IGFL2: variants seen among roughly 807,000 people sequenced by gnomAD.
IGFL2 encodes insulin growth factor-like family member 2.
In IGFL2, 7 loss-of-function variants were observed where a neutral mutation model predicts 13.9. That is an observed-to-expected ratio of 0.51 (90% CI 0.29 to 0.95). IGFL2 has a LOEUF of 0.95. IGFL2 is among the 40% of genes least tolerant of loss of function. The probability of loss-of-function intolerance (pLI) is 0.08; values close to 1 mark genes in which losing one functional copy is unlikely to be tolerated. For missense variants in IGFL2, 138 were observed against 147.8 expected, an observed-to-expected ratio of 0.93 and a Z score of 0.34; for synonymous variants, 55 against 55.8, an observed-to-expected ratio of 0.99 and a Z score of 0.07.
At chr19:46,129,467 C>A in the IGFL2 span, among the ~76,000 whole-genome samples, 1 of 151,582 alleles carries the variant, frequency 6.6e-6, no homozygotes, top group Non-Finnish European at 1.5e-5. Context: ...GGTTGTGAAG[C>A]TGAGTTCTGA....
the IGFL2 span, among the ~76,000 whole-genome samples, chr19:46,105,060 A>G: frequency 5.3e-5 from 8 of 152,282 alleles, no homozygotes; most frequent in East Asian, 7.7e-4. Flanking sequence ...GCGTTGCCCT[A>G]AGCAATGGGA....
upstream of IGFL2, among the ~76,000 whole-genome samples, chr19:46,145,064 A>G (rs537039428): frequency 1.3e-4 from 20 of 152,168 alleles, 1 homozygote; most frequent in South Asian, 4.1e-3. Flanking sequence ...CTTTTTTGCT[A>G]TTACAAGTAA....
the IGFL2 span, among the ~76,000 whole-genome samples, chr19:46,183,597 G>A: frequency 6.6e-6 from 1 of 151,240 alleles, no homozygotes; most frequent in East Asian, 1.9e-4. Flanking sequence ...GTACAATGGG[G>A]TGATCTCTGC....
chr19:46,112,443 T>C, the IGFL2 span, among the ~76,000 whole-genome samples: 1 of 152,182 alleles, frequency 6.6e-6, no homozygotes, highest in Non-Finnish European at 1.5e-5. Context: ...GGTCCCTCCT[T>C]CCTAAGAAAA....
the IGFL2 span, among the ~76,000 whole-genome samples, chr19:46,090,399 C>G: frequency 2.4e-4 from 37 of 152,298 alleles, no homozygotes; most frequent in African/African-American, 8.9e-4. Context: ...TGTCTCCCCG[C>G]TAATGTCATA....
At chr19:46,178,519 C>T in the IGFL2 span, among the ~76,000 whole-genome samples, 1 of 152,098 alleles carries the variant, frequency 6.6e-6, no homozygotes, top group Non-Finnish European at 1.5e-5. Flanking sequence ...AGGTCTTTCC[C>T]AGATCTAGGA....
chr19:46,166,058 C>T (rs1434259607), downstream of IGFL2, among the ~76,000 whole-genome samples: 3 of 152,168 alleles, frequency 2.0e-5, no homozygotes, highest in Non-Finnish European at 4.4e-5. Context: ...ACTAGCTATC[C>T]CACATTCATC....
chr19:46,129,836 A>G, the IGFL2 span, among the ~76,000 whole-genome samples: 8 of 152,008 alleles, frequency 5.3e-5, no homozygotes, highest in South Asian at 2.1e-4. Context: ...TGTATATTCT[A>G]TTGCTTTTGT....
At chr19:46,160,278 T>C in intron 1 of IGFL2, 137 bp from the exon 2 acceptor site, 1 of 721,876 alleles carries the variant, frequency 1.4e-6, no homozygotes, top group African/African-American at 1.7e-5. Context: ...TTAGATCCTA[T>C]GCAAAGATAG....
intron 1 of IGFL2, among the ~76,000 whole-genome samples, chr19:46,151,416 GGTTT>G (rs1167303637): frequency 6.6e-6 from 1 of 151,974 alleles, no homozygotes; most frequent in Non-Finnish European, 1.5e-5. Flanking sequence ...CAAATCTAAG[GGTTT>G]ATTTTCTGAC....
At chr19:46,194,088 G>A in the IGFL2 span, among the ~76,000 whole-genome samples, 5 of 152,072 alleles carry the variant, frequency 3.3e-5, no homozygotes, top group Admixed American at 3.3e-4. Context: ...GGGGAGCTGG[G>A]CTCTACGGGA....
At chr19:46,181,818 T>C in the IGFL2 span, among the ~76,000 whole-genome samples, 9 of 152,320 alleles carry the variant, frequency 5.9e-5, no homozygotes, top group African/African-American at 1.9e-4. Flanking sequence ...TACTGGTTGT[T>C]CTCAGTATAT....
the IGFL2 span, among the ~76,000 whole-genome samples, chr19:46,109,280 C>A: frequency 4.5e-3 from 679 of 151,938 alleles, 8 homozygotes; most frequent in African/African-American, 0.016. Context: ...GTGGATCTTA[C>A]CAAGTACATT....
the IGFL2 span, among the ~76,000 whole-genome samples, chr19:46,092,413 T>C: frequency 6.6e-6 from 1 of 151,780 alleles, no homozygotes; most frequent in Non-Finnish European, 1.5e-5. Context: ...GGTGGATCAC[T>C]TGAGGTTGGG....
chr19:46,113,526 G>T, the IGFL2 span: 1 of 342,408 alleles, frequency 2.9e-6, no homozygotes, highest in South Asian at 2.6e-5. Flanking sequence ...TTTAACCTCA[G>T]TTGTCACAGG....
chr19:46,154,458 G>C (rs1200231364), intron 1 of IGFL2, among the ~76,000 whole-genome samples: 3 of 151,904 alleles, frequency 2.0e-5, no homozygotes, highest in Admixed American at 1.3e-4. Flanking sequence ...GTTTTGTTTT[G>C]TTTTTGACGG....
chr19:46,198,214 A>G, the IGFL2 span: 1 of 151,152 alleles, frequency 6.6e-6, no homozygotes. Flanking sequence ...AGCTCAAGCA[A>G]TCCTCCTGCC....
the IGFL2 span, among the ~76,000 whole-genome samples, chr19:46,175,330 A>G: frequency 1.7e-3 from 252 of 152,256 alleles, 1 homozygote; most frequent in African/African-American, 5.8e-3. Flanking sequence ...CAGGACTACA[A>G]AGATAGTAAG....
At chr19:46,181,495 A>T in the IGFL2 span, among the ~76,000 whole-genome samples, 280 of 152,106 alleles carry the variant, frequency 1.8e-3, no homozygotes, top group Non-Finnish European at 3.0e-3. Flanking sequence ...TTCCCCAACT[A>T]CCTCTGTAGA....
Sources: gnomAD v4.1 joint callset for allele counts (sites outside exome capture counted in the v4.1 genomes callset) on GRCh38, gnomAD v4.1.1 for gene constraint, MANE v1.5 for transcripts, NCBI Gene and HGNC (gene_info 2026-07-23, HGNC 2026-07-21) for gene names.